GRHL1: variants seen among roughly 807,000 people sequenced by gnomAD.
The protein encoded by GRHL1 is grainyhead like transcription factor 1.
In GRHL1, 38 loss-of-function variants were observed where a neutral mutation model predicts 75.7. The observed-to-expected ratio is 0.50, with a 90% CI of 0.39 to 0.66. The LOEUF (loss-of-function observed/expected upper bound fraction) is 0.66. Ranked by LOEUF, GRHL1 falls within the 30% of genes least tolerant of loss-of-function variation. The pLI, the probability that GRHL1 is intolerant of heterozygous loss-of-function variation, is 0.00. For synonymous variants in GRHL1, 266 were observed against 279.4 expected, an observed-to-expected ratio of 0.95 and a Z score of 0.48; for missense variants, 589 against 767.5, an observed-to-expected ratio of 0.77 and a Z score of 2.75.
chr2:9,971,441 A>C (rs1667718462), intron 8 of GRHL1, among the ~76,000 whole-genome samples: 1 of 152,222 alleles, frequency 6.6e-6, no homozygotes, highest in African/African-American at 2.4e-5. Flanking sequence ...GTCAGGAAGC[A>C]CTGTTACTTT....
intron 8 of GRHL1, among the ~76,000 whole-genome samples, chr2:9,970,601 T>G (rs1268451076): frequency 1.3e-5 from 2 of 152,236 alleles, no homozygotes; most frequent in Non-Finnish European, 2.9e-5. Flanking sequence ...AACATACTTT[T>G]GTCTCTTCCC....
intron 2 of GRHL1, among the ~76,000 whole-genome samples, chr2:9,956,567 T>C (rs1667035637): frequency 3.9e-5 from 6 of 152,082 alleles, no homozygotes; most frequent in Admixed American, 3.9e-4. Context: ...TATGAGGCCA[T>C]GCGTCTAACT....
chr2:9,981,430 G>A (rs551013007), intron 8 of GRHL1, among the ~76,000 whole-genome samples: 1 of 152,360 alleles, frequency 6.6e-6, no homozygotes, highest in South Asian at 2.1e-4. Flanking sequence ...GATGATGTAA[G>A]GATAAATTAA....
chr2:9,952,373 G>C (rs1047794050), intron 1 of GRHL1, among the ~76,000 whole-genome samples: 2 of 152,124 alleles, frequency 1.3e-5, no homozygotes, highest in African/African-American at 4.8e-5. Context: ...AGGTTGAAGT[G>C]CCCCGATGTC....
At chr2:9,997,054 G>A (rs1242369832) in intron 14 of GRHL1, among the ~76,000 whole-genome samples, 2 of 152,194 alleles carry the variant, frequency 1.3e-5, no homozygotes, top group African/African-American at 4.8e-5. Context: ...CCTAGAGACC[G>A]TAGAGATCTT....
At chr2:9,955,898 C>T (rs1199037802) in intron 2 of GRHL1, among the ~76,000 whole-genome samples, 3 of 152,228 alleles carry the variant, frequency 2.0e-5, no homozygotes, top group African/African-American at 4.8e-5. Flanking sequence ...GGGGTGGCTA[C>T]GTCTTTAGGG....
At chr2:9,964,797 T>C (rs778109438) in intron 7 of GRHL1, 6 of 168,010 alleles carry the variant, frequency 3.6e-5, no homozygotes, top group Non-Finnish European at 6.4e-5. Context: ...CTGTGGGCTG[T>C]AGTGGCAAAC....
In GRHL1 at chr2:9,992,083, C is replaced by T. The variant is rs145209629; in HGVS notation, c.1398C>T (p.Leu466=). 1.4e-4 allele frequency: 233 copies of T among 1,613,556 alleles called. 1 individual carries two copies. The African/African-American group carries it at 2.9e-3, about 20-fold the overall frequency. ...DITVFKPFID[L]DTQPVLFIPD... is the part of the protein sequence containing the mutation. ...CAGTTTTCAAACCCTTCATTGATCT[C>T]GATACTCAGCCTGTCCTCTTCATTC... is the stretch of plus-strand genomic sequence containing the variant. The change falls in exon 11 of 16, where the codon CTC becomes CTT. Residue 466 remains leucine, a synonymous_variant. Transcript: ENST00000324907. This position sits in a 1 kb window ranked among gnomAD's most constrained non-coding sequence, Gnocchi z 4.6.
Position 9,990,855 on chromosome 2 carries a change from A to ACACCCACTGTCTTCTGC in GRHL1, c.1321+108_1321+109insCACCCACTGTCTTCTGC. The ACACCCACTGTCTTCTGC allele has an allele frequency of 1.2e-6, 1 of 813,994 alleles. No homozygotes were observed. Among genetic ancestry groups the ACACCCACTGTCTTCTGC allele is most frequent in the Non-Finnish European group, 2.0e-6 (1 of 490,900 alleles). The allele number at this position is 813,994 out of a possible 1,614,324, so 50.4% of individuals were successfully genotyped here. A position where few individuals can be genotyped will look rare whatever the true frequency, so the allele number is the denominator to read the frequency against. On this transcript the variant is annotated intron_variant, in intron 10 of 15. Transcript: ENST00000324907. The surrounding 1 kb of genome is among the most constrained non-coding windows in gnomAD (Gnocchi z 4.2). Reference sequence around the variant, plus strand: ...ATGGTGGCTGGAGTTTGCACGCAGAAGACAGTGGGTGTTCTTCCTGTTCTG... The same window carrying ACACCCACTGTCTTCTGC: ...ATGGTGGCTGGAGTTTGCACGCAGAACACCCACTGTCTTCTGCGACAGTGGGTGTTCTTCCTGTTCTG...
rs1668490934 is a variant in GRHL1 at position 9,987,874 on chromosome 2, T to G, written c.1269+1592T>G. Among the ~76,000 whole-genome samples, 1 of 152,170 alleles carries G rather than the reference T, an allele frequency of 6.6e-6. No individual in the cohort carries two copies. Among genetic ancestry groups the G allele is most frequent in the Admixed American group, 6.5e-5 (1 of 15,278 alleles). On this transcript the variant is annotated intron_variant, in intron 9 of 15. Coordinates refer to ENST00000324907, the MANE Select transcript of GRHL1 (RefSeq NM_198182.3). The surrounding 1 kb of genome is among the most constrained non-coding windows in gnomAD (Gnocchi z 4.2). ...TCCTACTCAAAAATATTGGACCTAT[T>G]TTTGGCAGGGGACGGGGGCAGTTCT...
At chr2:9,965,460 T>C (rs1667454044) in intron 8 of GRHL1, 79 bp downstream of exon 8, 2 of 787,666 alleles carry the variant, frequency 2.5e-6, no homozygotes, top group African/African-American at 1.7e-5. Context: ...AACTGATTTT[T>C]TTTTTTTTCA....
intron 14 of GRHL1, among the ~76,000 whole-genome samples, chr2:9,997,619 C>T (rs568522070): frequency 1.3e-5 from 2 of 151,918 alleles, no homozygotes; most frequent in African/African-American, 2.4e-5. Context: ...GTCAGGAGTT[C>T]GAGACCAGCC....
At chr2:9,982,629 A>C (rs1226482068) in intron 8 of GRHL1, among the ~76,000 whole-genome samples, 1 of 152,190 alleles carries the variant, frequency 6.6e-6, no homozygotes, top group East Asian at 1.9e-4. Context: ...GAGTTTTCGG[A>C]TTCAGTGAGT....
intron 8 of GRHL1, among the ~76,000 whole-genome samples, chr2:9,972,998 C>G (rs1295200259): frequency 6.6e-6 from 1 of 152,138 alleles, no homozygotes; most frequent in African/African-American, 2.4e-5. Context: ...GCTGCTGACT[C>G]GTCTTTGTTT....
At chr2:9,980,458 A>G (rs1279345141) in intron 8 of GRHL1, among the ~76,000 whole-genome samples, 1 of 152,150 alleles carries the variant, frequency 6.6e-6, no homozygotes, top group African/African-American at 2.4e-5. Context: ...AAACATTCTA[A>G]GTGCATAAAT....
Position 9,990,590 on chromosome 2 carries a change from C to T in GRHL1, c.1270-106C>T, listed in dbSNP as rs1427348430. On this transcript the variant is annotated intron_variant, in intron 9 of 15. Transcript: ENST00000324907. The surrounding 1 kb of genome is among the most constrained non-coding windows in gnomAD (Gnocchi z 4.2). ...ATATAGTAAGTAATGGGGTTCCTGT[C>T]CAGAGAAGGGAGAAAGGCTTCTTCT... The T allele has an allele frequency of 1.4e-5, 8 of 578,000 alleles. No individual in the cohort carries two copies. The highest frequency in any genetic ancestry group is 1.8e-5 in the Non-Finnish European group (6 of 330,272). 35.8% of individuals were successfully genotyped at this position (578,000 alleles called of 1,614,324 possible).
intron 8 of GRHL1, among the ~76,000 whole-genome samples, chr2:9,981,616 C>T (rs1423721947): frequency 2.0e-5 from 3 of 152,156 alleles, no homozygotes; most frequent in Non-Finnish European, 4.4e-5. Flanking sequence ...ATATGACCTA[C>T]GGATGTGAAA....
intron 9 of GRHL1, among the ~76,000 whole-genome samples, chr2:9,989,748 C>T (rs1668563862): frequency 6.6e-6 from 1 of 152,098 alleles, no homozygotes; most frequent in African/African-American, 2.4e-5. Flanking sequence ...ACAGGGTTTC[C>T]CATGTTGGCC....
chr2:9,999,885 A>G (rs1447453371), intron 15 of GRHL1, among the ~76,000 whole-genome samples: 1 of 152,060 alleles, frequency 6.6e-6, no homozygotes, highest in Non-Finnish European at 1.5e-5. Context: ...TTTTTGTTTG[A>G]TAATAGTAGT....
Sources: allele counts gnomAD v4.1 joint callset (sites outside exome capture counted in the v4.1 genomes callset), GRCh38; gene constraint gnomAD v4.1.1; non-coding constraint Gnocchi (gnomAD v3.1); transcripts MANE v1.5; gene names NCBI Gene and HGNC (gene_info 2026-07-23, HGNC 2026-07-21).